Variants in CACNA1D observed in about 807,000 individuals in gnomAD.
CACNA1D encodes voltage-dependent L-type calcium channel subunit alpha-1D.
In CACNA1D, 55 loss-of-function variants were observed where a neutral mutation model predicts 257.1. The observed-to-expected ratio is 0.21, with a 90% CI of 0.17 to 0.27. The LOEUF (loss-of-function observed/expected upper bound fraction) is 0.27, where lower values mean the gene tolerates loss of function less well. Among genes scored for constraint, CACNA1D ranks in the 10% least tolerant of loss-of-function variants. The pLI, the probability that CACNA1D is intolerant of heterozygous loss-of-function variation, is 1.00. For missense variants in CACNA1D, 1,876 were observed against 2,784.0 expected (o/e 0.67, Z 7.34); for synonymous variants, 980 against 1,014.9 (o/e 0.97, Z 0.65).
intron 37 of CACNA1D, 57 bp from the exon 38 acceptor site, chr3:53,779,969 A>T: frequency 8.7e-7 from 1 of 1,150,226 alleles, no homozygotes; most frequent in Non-Finnish European, 1.3e-6. Flanking sequence ...ATCCAAAAGG[A>T]TATGGTCGTG....
intron 9 of CACNA1D, among the ~76,000 whole-genome samples, chr3:53,706,647 T>TACAAATACCGTTCTGTG (rs1471979244): frequency 6.6e-6 from 1 of 152,040 alleles, no homozygotes; most frequent in African/African-American, 2.4e-5. Context: ...ATTTAGGGGG[T>TACAAATACCGTTCTGTG]ACAAATACCG....
At chr3:53,567,339 A>G (rs568446067) in intron 3 of CACNA1D, among the ~76,000 whole-genome samples, 5 of 152,356 alleles carry the variant, frequency 3.3e-5, no homozygotes, top group African/African-American at 1.2e-4. Flanking sequence ...ACAGTTTTTC[A>G]TTATGAAAGA....
chr3:53,716,770 C>T (rs1032694521), intron 9 of CACNA1D, among the ~76,000 whole-genome samples: 1 of 152,102 alleles, frequency 6.6e-6, no homozygotes, highest in South Asian at 2.1e-4. Flanking sequence ...CTGGGCATGG[C>T]GTGGAGGCTC....
rs139453087 is a variant in CACNA1D at position 53,728,352 on chromosome 3, C to T, written c.2221+1353C>T. Among the ~76,000 whole-genome samples the T allele has an allele frequency of 9.5e-3, 1,438 of 152,116 alleles. 29 individuals carry two copies. The highest frequency in any genetic ancestry group is 0.032 in the African/African-American group (1,329 of 41,472). Reference sequence around the variant, plus strand: ...TGGGGTTTCTCCATGTTAACCAGGCCGGTCTAAAACTCCTGACCTCAGGTG... The same window carrying T: ...TGGGGTTTCTCCATGTTAACCAGGCTGGTCTAAAACTCCTGACCTCAGGTG... On this transcript the variant is annotated intron_variant, in intron 15 of 47. Coordinates refer to ENST00000350061, the MANE Select transcript of CACNA1D (RefSeq NM_001128840.3).
intron 27 of CACNA1D, among the ~76,000 whole-genome samples, chr3:53,749,780 T>C (rs1235743225): frequency 6.6e-6 from 1 of 152,260 alleles, no homozygotes; most frequent in Non-Finnish European, 1.5e-5. Context: ...GTTGGGGTGC[T>C]GTGGCCACTC....
intron 40 of CACNA1D, among the ~76,000 whole-genome samples, chr3:53,787,445 G>GTGTGTGTGTGTT (rs1468182788): frequency 6.6e-6 from 1 of 151,640 alleles, no homozygotes; most frequent in Admixed American, 6.6e-5. Flanking sequence ...GTGTGTGTGT[G>GTGTGTGTGTGTT]TGTGTGTGTA....
intron 3 of CACNA1D, among the ~76,000 whole-genome samples, chr3:53,519,248 A>G (rs1282375519): frequency 2.0e-5 from 3 of 152,204 alleles, no homozygotes; most frequent in Non-Finnish European, 4.4e-5. Context: ...TTATTTACAG[A>G]AGTAGACAGA....
chr3:53,605,300 G>C (rs1234501047), intron 3 of CACNA1D, among the ~76,000 whole-genome samples: 1 of 152,074 alleles, frequency 6.6e-6, no homozygotes, highest in South Asian at 2.1e-4. Context: ...GGACAAATGA[G>C]GTATCATTTT....
chr3:53,722,504 C>G (rs373302884), intron 12 of CACNA1D, 30 bp downstream of exon 12: 11 of 1,610,990 alleles, frequency 6.8e-6, no homozygotes, highest in Non-Finnish European at 9.3e-6. Context: ...CTTTTTTGTT[C>G]TGAACTAGAG....
intron 29 of CACNA1D, 87 bp from the exon 30 acceptor site, chr3:53,761,911 C>G: frequency 1.1e-6 from 1 of 922,498 alleles, no homozygotes; most frequent in South Asian, 1.3e-5. Flanking sequence ...ATGGGTGCGG[C>G]AGGGACTCGG....
intron 11 of CACNA1D, among the ~76,000 whole-genome samples, chr3:53,721,715 G>T (rs2094884523): frequency 6.6e-6 from 1 of 152,114 alleles, no homozygotes; most frequent in Non-Finnish European, 1.5e-5. Flanking sequence ...TGATGACTCA[G>T]TATGAAGATT....
At chr3:53,619,053 T>G (rs1318073792) in intron 3 of CACNA1D, among the ~76,000 whole-genome samples, 1 of 152,178 alleles carries the variant, frequency 6.6e-6, no homozygotes, top group Non-Finnish European at 1.5e-5. Context: ...CATGAGCCAG[T>G]GTAACCTCCC....
At chr3:53,606,435 G>A (rs933280903) in intron 3 of CACNA1D, among the ~76,000 whole-genome samples, 4 of 152,206 alleles carry the variant, frequency 2.6e-5, no homozygotes, top group South Asian at 2.1e-4. Flanking sequence ...GGTGAACTAC[G>A]TTTAACTACA....
At chr3:53,667,821 GTGTGTGTGTGTGTGTATGCA>G (rs1318655505) in intron 7 of CACNA1D, among the ~76,000 whole-genome samples, 3 of 146,054 alleles carry the variant, frequency 2.1e-5, no homozygotes, top group East Asian at 2.0e-4. Context: ...AGGAGTGTGA[GTGTGTGTGTGTGTGTATGCA>G]TGTGTGTGTG....
At position 53,497,371 on chromosome 3, in the gene CACNA1D, A is replaced by C; in HGVS notation, c.287A>C (p.Asn96Thr). 1 of 1,614,050 alleles carries C rather than the reference A, an allele frequency of 6.2e-7. No individual in the cohort carries two copies. The highest frequency in any genetic ancestry group is 8.5e-7 in the Non-Finnish European group (1 of 1,180,002). ...QQYAKSKKQG[N>T]SSNSRPARAL... ...TACGCCAAGAGCAAAAAACAGGGTA[A>C]CTCGTCCAACAGCCGACCTGCCCGC... Residue 96 changes from asparagine to threonine, a missense_variant, in exon 2 of 48, where the codon AAC becomes ACC. Around this residue, in one of 10 missense-constraint regions of CACNA1D, gnomAD observed 143 missense variants for 168.7 expected, o/e 0.85. Transcript: ENST00000350061.
chr3:53,701,925 T>C (rs1017119988), intron 8 of CACNA1D, among the ~76,000 whole-genome samples: 1 of 152,122 alleles, frequency 6.6e-6, no homozygotes, highest in Non-Finnish European at 1.5e-5. Context: ...CCTCTTCCCC[T>C]CCTGCAGGGA....
chr3:53,529,374 C>G (rs2107432544), intron 3 of CACNA1D, among the ~76,000 whole-genome samples: 1 of 152,256 alleles, frequency 6.6e-6, no homozygotes, highest in East Asian at 1.9e-4. Context: ...GATATATTAT[C>G]CTTTTTATAT....
At chr3:53,686,868 A>G (rs932838845) in intron 8 of CACNA1D, among the ~76,000 whole-genome samples, 1 of 152,106 alleles carries the variant, frequency 6.6e-6, no homozygotes, top group Non-Finnish European at 1.5e-5. Flanking sequence ...ATTTACAGAC[A>G]TAATTGTCTA....
At chr3:53,626,009 T>C (rs990574332) in intron 3 of CACNA1D, among the ~76,000 whole-genome samples, 1 of 152,176 alleles carries the variant, frequency 6.6e-6, no homozygotes, top group Non-Finnish European at 1.5e-5. Context: ...GTCTTATCTG[T>C]AGGTCTGCTG....
Sources: gnomAD v4.1 joint callset for allele counts (sites outside exome capture counted in the v4.1 genomes callset) on GRCh38, gnomAD v4.1.1 for gene constraint, gnomAD v4.1.1 regional missense constraint, MANE v1.5 for transcripts, NCBI Gene and HGNC (gene_info 2026-07-23, HGNC 2026-07-21) for gene names.